ASTN1: variants seen among roughly 807,000 people sequenced by gnomAD.
ASTN1 encodes astrotactin 1, also known as astrotactin-1.
A neutral mutation model predicts 140.7 loss-of-function variants in ASTN1; 41 were observed. That is an observed-to-expected ratio of 0.29 (90% CI 0.23 to 0.38). The LOEUF (loss-of-function observed/expected upper bound fraction) is 0.38. Among genes scored for constraint, ASTN1 ranks in the 10% least tolerant of loss-of-function variants. The probability of loss-of-function intolerance (pLI) is 1.00; values close to 1 mark genes in which losing one functional copy is unlikely to be tolerated. For synonymous variants in ASTN1, 640 were observed against 652.2 expected, an observed-to-expected ratio of 0.98 and a Z score of 0.29; for missense variants, 1,479 against 1,678.8, an observed-to-expected ratio of 0.88 and a Z score of 2.08.
At chr1:176,963,570 C>T (rs561282691) in intron 9 of ASTN1, among the ~76,000 whole-genome samples, 2 of 152,114 alleles carry the variant, frequency 1.3e-5, no homozygotes, top group African/African-American at 2.4e-5. Flanking sequence ...ATAAAACATC[C>T]GGTTGGCAGC....
At chr1:177,014,262 G>A (rs1443054105) in intron 8 of ASTN1, among the ~76,000 whole-genome samples, 3 of 152,138 alleles carry the variant, frequency 2.0e-5, no homozygotes, top group South Asian at 2.1e-4. Context: ...GTGTGTCTAG[G>A]GGAAAACAAA....
At chr1:176,965,048 T>G (rs1672816335) in intron 9 of ASTN1, 115 bp downstream of exon 9, 1 of 975,734 alleles carries the variant, frequency 1.0e-6, no homozygotes, top group Admixed American at 1.9e-5. Context: ...CAGGTGGTCG[T>G]GACAACTCAA....
At chr1:177,084,819 T>C (rs1195384989) in intron 1 of ASTN1, among the ~76,000 whole-genome samples, 1 of 152,206 alleles carries the variant, frequency 6.6e-6, no homozygotes, top group African/African-American at 2.4e-5. Context: ...TTCTTTTTTT[T>C]TTCATCAATT....
Position 176,863,172 on chromosome 1 carries a change from G to A in ASTN1, c.*1112C>T. On this transcript the variant is annotated 3_prime_UTR_variant, in exon 23 of 23. Transcript: ENST00000361833. ...CTGTGACTGGATGGGCAGTGACCAT[G>A]GTGGAATCCTCCTGCTTATGGTCAT... The A allele has an allele frequency of 1.0e-6, 1 of 985,900 alleles. No individual in the cohort carries two copies. The highest frequency in any genetic ancestry group is 1.2e-6 in the Non-Finnish European group (1 of 829,934). The allele number at this position is 985,900 out of a possible 1,614,324, so 61.1% of individuals were successfully genotyped here.
chr1:177,149,135 C>T (rs188196562), intron 1 of ASTN1, among the ~76,000 whole-genome samples: 1 of 89,100 alleles, frequency 1.1e-5, no homozygotes, highest in African/African-American at 8.6e-5. Context: ...ATATATAGTG[C>T]ATATATATAG....
In ASTN1 at chr1:177,030,950, T is replaced by G; in HGVS notation, c.868A>C (p.Ser290Arg). 1 of 1,611,398 alleles carries G rather than the reference T, an allele frequency of 6.2e-7. No individual in the cohort carries two copies. The highest frequency in any genetic ancestry group is 2.2e-5 in the East Asian group (1 of 44,790). Residue 290 changes from serine (S) to arginine (R), a missense_variant and splice_region_variant, in exon 4 of 23, where the codon AGT (serine) becomes CGT (arginine). Physicochemically the swap from Ser to Arg is moderately radical, Grantham distance 110. This residue lies in a region of ASTN1 where 729 missense variants were observed against 860.4 expected (regional missense o/e 0.85). Coordinates refer to ENST00000361833, the MANE Select transcript of ASTN1 (RefSeq NM_004319.3). ...EKSGMDLTPG[S>R]DNAKLSLMNK... Reference sequence around the variant, plus strand: ...ATCAGTGACAGCTTGGCATTGTCACTTCCTGTATAAGGAAAAGACGAGGCA... The same window carrying G: ...ATCAGTGACAGCTTGGCATTGTCACGTCCTGTATAAGGAAAAGACGAGGCA...
At chr1:177,033,329 T>C (rs752230893) in intron 2 of ASTN1, among the ~76,000 whole-genome samples, 3 of 152,180 alleles carry the variant, frequency 2.0e-5, no homozygotes, top group Non-Finnish European at 4.4e-5. Context: ...TTCCACCAAT[T>C]ATCAGTGGGT....
intron 22 of ASTN1, among the ~76,000 whole-genome samples, chr1:176,867,037 C>T (rs920520055): frequency 6.6e-6 from 1 of 152,192 alleles, no homozygotes; most frequent in African/African-American, 2.4e-5. Context: ...ACTAGTATTA[C>T]ACATGAAGGA....
At chr1:177,033,758 T>C (rs994770368) in intron 2 of ASTN1, among the ~76,000 whole-genome samples, 1 of 152,112 alleles carries the variant, frequency 6.6e-6, no homozygotes, top group South Asian at 2.1e-4. Flanking sequence ...GGCCAACACC[T>C]CGAAGGTCAT....
At chr1:176,991,269 C>T (rs183222773) in intron 8 of ASTN1, among the ~76,000 whole-genome samples, 3 of 152,012 alleles carry the variant, frequency 2.0e-5, no homozygotes, top group Admixed American at 6.6e-5. Flanking sequence ...CAAAAGTAGC[C>T]TGGCATGGTG....
chr1:177,076,278 C>CAAA (rs1171864161), intron 1 of ASTN1, among the ~76,000 whole-genome samples: 2,557 of 77,672 alleles, frequency 0.033, 149 homozygotes, highest in African/African-American at 0.12. Flanking sequence ...GACTATGTCT[C>CAAA]AAAAAAAAAA....
At chr1:176,979,775 T>G (rs1673526856) in intron 8 of ASTN1, among the ~76,000 whole-genome samples, 1 of 152,106 alleles carries the variant, frequency 6.6e-6, no homozygotes, top group African/African-American at 2.4e-5. Flanking sequence ...TGTGTGATAT[T>G]AGTGTGATAT....
intron 8 of ASTN1, among the ~76,000 whole-genome samples, chr1:176,969,153 C>A (rs982833725): frequency 6.6e-6 from 1 of 152,122 alleles, no homozygotes; most frequent in African/African-American, 2.4e-5. Flanking sequence ...GAAACCCCCC[C>A]GCCTCCCCGC....
intron 1 of ASTN1, among the ~76,000 whole-genome samples, chr1:177,127,383 T>C (rs1343085462): frequency 6.6e-6 from 1 of 151,738 alleles, no homozygotes; most frequent in Non-Finnish European, 1.5e-5. Context: ...GAAGCACTCA[T>C]TTATTCTCTT....
At position 177,014,996 on chromosome 1, in the gene ASTN1, G is replaced by T. The variant is rs568708777; in HGVS notation, c.1439-121C>A. 9.0e-5 allele frequency: 76 copies of T among 846,620 alleles called. No homozygotes were observed. In the African/African-American group the frequency reaches 1.2e-3, roughly 13 times the overall value. The allele number at this position is 846,620 out of a possible 1,614,324, so 52.4% of individuals were successfully genotyped here. A position where few individuals can be genotyped will look rare whatever the true frequency, so the allele number is the denominator to read the frequency against. On this transcript the variant is annotated intron_variant, in intron 7 of 22. Coordinates refer to ENST00000361833, the MANE Select transcript of ASTN1 (RefSeq NM_004319.3). ...CTCTTACTCTGATATTAGCATGAAT[G>T]AGACAGTAAGTTCCATTATGTCATA... is the stretch of plus-strand genomic sequence containing the variant.
intron 1 of ASTN1, among the ~76,000 whole-genome samples, chr1:177,077,068 T>C (rs1678947860): frequency 6.6e-6 from 1 of 152,158 alleles, no homozygotes; most frequent in African/African-American, 2.4e-5. Context: ...AGCAATTAAG[T>C]CTGCAGGTGT....
intron 1 of ASTN1, among the ~76,000 whole-genome samples, chr1:177,111,663 T>C (rs760218372): frequency 6.6e-6 from 1 of 152,154 alleles, no homozygotes; most frequent in Non-Finnish European, 1.5e-5. Context: ...TGATAAGATA[T>C]AGAGTTGGAA....
Position 176,863,714 on chromosome 1 carries a change from T to G in ASTN1, c.*570A>C. 1.0e-6 allele frequency: 1 copy of G among 986,310 alleles called. No individual in the cohort carries two copies. The highest frequency in any genetic ancestry group is 1.7e-5 in the African/African-American group (1 of 57,364). The allele number at this position is 986,310 out of a possible 1,614,324, so 61.1% of individuals were successfully genotyped here. On this transcript the variant is annotated 3_prime_UTR_variant, in exon 23 of 23. Transcript: ENST00000361833. ...CACCTTTCGGGTATGGAAATAGTGA[T>G]AGCAAGGCCTAGGAAGAAAACCAGG...
At chr1:177,084,556 A>C (rs933515939) in intron 1 of ASTN1, among the ~76,000 whole-genome samples, 1 of 151,920 alleles carries the variant, frequency 6.6e-6, no homozygotes, top group Admixed American at 6.6e-5. Context: ...TCATTTCTTC[A>C]CTTTTCATTT....
Sources: allele counts gnomAD v4.1 joint callset (sites outside exome capture counted in the v4.1 genomes callset), GRCh38; gene constraint gnomAD v4.1.1; regional missense constraint gnomAD v4.1.1; transcripts MANE v1.5; gene names NCBI Gene and HGNC (gene_info 2026-07-23, HGNC 2026-07-21).